Variants in KYNU observed in about 807,000 individuals in gnomAD.
KYNU encodes the protein kynureninase.
KYNU carries 54 observed loss-of-function variants against 59.2 expected under a neutral mutation model. The ratio of observed to expected loss-of-function variants is 0.91; its 90% CI spans 0.73 to 1.14. KYNU has a LOEUF of 1.14. Among genes scored for constraint, KYNU ranks in the 50% most tolerant of loss-of-function variants. The pLI, the probability that KYNU is intolerant of heterozygous loss-of-function variation, is 0.00. For synonymous variants in KYNU, 177 were observed against 192.0 expected, an observed-to-expected ratio of 0.92 and a Z score of 0.65; for missense variants, 567 against 554.4, an observed-to-expected ratio of 1.02 and a Z score of -0.23.
chr2:142,907,669 T>C (rs1300489230), intron 2 of KYNU, among the ~76,000 whole-genome samples: 3 of 151,130 alleles, frequency 2.0e-5, no homozygotes, highest in African/African-American at 7.3e-5. Context: ...CCTGGGTTTA[T>C]ATCCTGATCA....
rs763643987 is a variant in KYNU, at chr2:142,927,751, A to C, written c.373+10A>C. ...ATGAAGGACATTGTAGGTAAGTACA[A>C]AACACTGAAGTTTTTCCAAATGAAT... On this transcript the variant is annotated intron_variant, in intron 4 of 13. Transcript: ENST00000264170. The C allele has an allele frequency of 3.2e-6, 5 of 1,577,424 alleles. No homozygotes were observed. The highest frequency in any genetic ancestry group is 3.5e-6 in the Non-Finnish European group (4 of 1,146,776).
intron 4 of KYNU, among the ~76,000 whole-genome samples, chr2:142,938,449 G>A (rs1218096112): frequency 6.6e-6 from 1 of 152,228 alleles, no homozygotes; most frequent in African/African-American, 2.4e-5. Context: ...GAGAAGGGAA[G>A]TGAGGTACAG....
intron 4 of KYNU, among the ~76,000 whole-genome samples, chr2:142,945,480 C>T (rs944960967): frequency 6.6e-6 from 1 of 152,198 alleles, no homozygotes; most frequent in African/African-American, 2.4e-5. Context: ...TTCTAGTTCT[C>T]TTGCTATTCC....
At chr2:142,949,969 C>T (rs751858681) in intron 4 of KYNU, among the ~76,000 whole-genome samples, 4 of 152,112 alleles carry the variant, frequency 2.6e-5, no homozygotes, top group Admixed American at 6.5e-5. Context: ...TTTCTTCTGC[C>T]AGATACCCTA....
chr2:142,997,958 C>T (rs919346833), intron 10 of KYNU, among the ~76,000 whole-genome samples: 1 of 152,100 alleles, frequency 6.6e-6, no homozygotes, highest in Non-Finnish European at 1.5e-5. Context: ...GAGTATCATG[C>T]TTCAAAGATG....
intron 2 of KYNU, among the ~76,000 whole-genome samples, chr2:142,886,436 A>G (rs1364766060): frequency 2.0e-5 from 3 of 152,184 alleles, no homozygotes; most frequent in Non-Finnish European, 4.4e-5. Context: ...GTACCCAACA[A>G]CCTATAGAAT....
intron 10 of KYNU, among the ~76,000 whole-genome samples, chr2:142,995,502 C>T (rs984655108): frequency 2.0e-5 from 3 of 152,174 alleles, no homozygotes; most frequent in African/African-American, 7.2e-5. Context: ...CAGCTAACTT[C>T]GAACAAAGCA....
chr2:142,941,494 T>C (rs1191649501), intron 4 of KYNU, among the ~76,000 whole-genome samples: 4 of 152,218 alleles, frequency 2.6e-5, no homozygotes, highest in African/African-American at 9.7e-5. Context: ...AAAGTGAGTT[T>C]TGTAGACCTG....
chr2:142,918,413 G>T (rs923617073), intron 2 of KYNU, among the ~76,000 whole-genome samples, 196 bp from the exon 3 acceptor site: 3 of 152,006 alleles, frequency 2.0e-5, no homozygotes, highest in African/African-American at 7.2e-5. Flanking sequence ...GCCTCTATAG[G>T]TTTAAATTAT....
chr2:142,936,644 G>A (rs1230289376), intron 4 of KYNU, among the ~76,000 whole-genome samples: 1 of 152,216 alleles, frequency 6.6e-6, no homozygotes, highest in Non-Finnish European at 1.5e-5. Context: ...ACACACCAGA[G>A]CCTTCTTGGA....
intron 8 of KYNU, chr2:142,967,339 TG>T (rs1462420950): frequency 6.6e-6 from 1 of 152,098 alleles, no homozygotes; most frequent in Non-Finnish European, 1.5e-5. Context: ...ATGCAAATGG[TG>T]GTTAAAAAGA....
chr2:143,042,446 T>A lies in KYNU; in HGVS notation c.*274T>A, dbSNP rs1298716897. On this transcript the variant is annotated 3_prime_UTR_variant, in exon 14 of 14. Coordinates refer to ENST00000264170, the MANE Select transcript of KYNU (RefSeq NM_003937.3). ...CTCTATAAGCTGTCACATTTCATGGTCATTGAAATGTTTTATGTTGGTTTA... is the reference window on the plus strand; with the variant it reads ...CTCTATAAGCTGTCACATTTCATGGACATTGAAATGTTTTATGTTGGTTTA... 2.5e-5 allele frequency: 6 copies of A among 240,466 alleles called. No homozygotes were observed. Among genetic ancestry groups the A allele is most frequent in the Non-Finnish European group, 4.9e-5 (6 of 123,278 alleles). The allele number at this position is 240,466 out of a possible 1,614,324, so 14.9% of individuals were successfully genotyped here. A position where few individuals can be genotyped will look rare whatever the true frequency, so the allele number is the denominator to read the frequency against.
intron 8 of KYNU, 79 bp from the exon 9 acceptor site, chr2:142,985,005 A>G: frequency 1.1e-6 from 1 of 885,974 alleles, no homozygotes; most frequent in South Asian, 1.3e-5. Flanking sequence ...AGTTTGTCAA[A>G]TGTTTTCTTA....
intron 2 of KYNU, among the ~76,000 whole-genome samples, chr2:142,906,828 G>C (rs778841856): frequency 1.2e-4 from 18 of 152,180 alleles, no homozygotes; most frequent in Non-Finnish European, 1.8e-4. Flanking sequence ...GCCAATGCCA[G>C]GGGTTCAGGA....
intron 3 of KYNU, among the ~76,000 whole-genome samples, chr2:142,921,740 T>A (rs994330825): frequency 4.6e-5 from 7 of 152,102 alleles, no homozygotes; most frequent in Non-Finnish European, 7.4e-5. Context: ...ACCCAGAAGG[T>A]CAAGGCTGCA....
At chr2:142,946,493 G>C (rs1683784665) in intron 4 of KYNU, among the ~76,000 whole-genome samples, 1 of 152,168 alleles carries the variant, frequency 6.6e-6, no homozygotes, top group African/African-American at 2.4e-5. Context: ...ATCTCCATCA[G>C]AGCTCTTGGG....
At position 143,049,329 on chromosome 2, in the gene KYNU, G is replaced by C. The variant is rs972309211; in HGVS notation, c.*7157G>C. ...TTAGGCATTAGTAGTGGACATTCTG[G>C]TTCCCCATTGAGCTTCCCTGCATCA... On this transcript the variant is annotated 3_prime_UTR_variant, in exon 14 of 14. Coordinates refer to ENST00000264170, the MANE Select transcript of KYNU (RefSeq NM_003937.3). 2 of 151,978 alleles carry C rather than the reference G, an allele frequency of 1.3e-5. No individual in the cohort carries two copies. The highest frequency in any genetic ancestry group is 2.9e-5 in the Non-Finnish European group (2 of 68,014). 9.4% of individuals were successfully genotyped at this position (151,978 alleles called of 1,614,324 possible). A position where few individuals can be genotyped will look rare whatever the true frequency, so the allele number is the denominator to read the frequency against.
chr2:142,981,171 A>C (rs1685041358), intron 8 of KYNU, among the ~76,000 whole-genome samples: 3 of 152,142 alleles, frequency 2.0e-5, no homozygotes, highest in Admixed American at 2.0e-4. Context: ...AAATGTGGCC[A>C]GAAGGATTTT....
chr2:142,888,848 A>G (rs1681604397), intron 2 of KYNU, among the ~76,000 whole-genome samples: 1 of 149,546 alleles, frequency 6.7e-6, no homozygotes, highest in South Asian at 2.2e-4. Context: ...AAGCTGTCGC[A>G]TACTTGAACG....
Sources: allele counts gnomAD v4.1 joint callset (sites outside exome capture counted in the v4.1 genomes callset), GRCh38; gene constraint gnomAD v4.1.1; transcripts MANE v1.5; gene names NCBI Gene and HGNC (gene_info 2026-07-23, HGNC 2026-07-21).